CEP57L1: variants seen among roughly 807,000 people sequenced by gnomAD.
The protein encoded by CEP57L1 is centrosomal protein 57 like 1, also known as centrosomal protein CEP57L1.
CEP57L1 carries 37 observed loss-of-function variants against 61.0 expected under a neutral mutation model. That is an observed-to-expected ratio of 0.61 (90% CI 0.47 to 0.80). The LOEUF is 0.80. CEP57L1 is among the 30% of genes least tolerant of loss of function. CEP57L1 has a pLI of 0.00. For missense variants in CEP57L1, 422 were observed against 524.7 expected (o/e 0.80, Z 1.91); for synonymous variants, 137 against 162.3 (o/e 0.84, Z 1.19).
At position 109,160,983 on chromosome 6, in the gene CEP57L1, G is replaced by A. The variant is rs115390278; in HGVS notation, c.1161+267G>A. ...GAAATTGCTTTGGGGAAATTGTGAGGCAGACTAAACTTGCCTTAGCAGCCC... is the reference window on the plus strand; with the variant it reads ...GAAATTGCTTTGGGGAAATTGTGAGACAGACTAAACTTGCCTTAGCAGCCC... On this transcript the variant is annotated intron_variant, in intron 10 of 10. Coordinates refer to ENST00000517392, the MANE Select transcript of CEP57L1 (RefSeq NM_001271852.3). 8.2e-3 allele frequency among the ~76,000 whole-genome samples: 1,246 copies of A among 152,258 alleles called. 21 individuals are homozygous for A. Among genetic ancestry groups the A allele is most frequent in the African/African-American group, 0.028 (1,184 of 41,546 alleles).
rs147278223 is a variant in CEP57L1, at chr6:109,167,595, T to C, written c.*4625T>C. On this transcript the variant is annotated 3_prime_UTR_variant, in exon 11 of 11. Transcript: ENST00000517392. Reference sequence around the variant, plus strand: ...GGGAGGCTGAGGCAGGATAATTGCTTGAACCTGGGAGGCAGAGGTTGCGGT... The same window carrying C: ...GGGAGGCTGAGGCAGGATAATTGCTCGAACCTGGGAGGCAGAGGTTGCGGT... Among the ~76,000 whole-genome samples, 201 of 151,760 alleles carry C rather than the reference T, an allele frequency of 1.3e-3. No homozygotes were observed. The highest frequency in any genetic ancestry group is 4.7e-3 in the African/African-American group (193 of 41,282).
chr6:109,143,474 A>T (rs1056110986), intron 1 of CEP57L1, among the ~76,000 whole-genome samples: 1 of 152,152 alleles, frequency 6.6e-6, no homozygotes, highest in Admixed American at 6.5e-5. Context: ...GTGTCACAAC[A>T]TAACTTGTCC....
chr6:109,122,084 G>A (rs903805212), intron 1 of CEP57L1, among the ~76,000 whole-genome samples: 3 of 152,300 alleles, frequency 2.0e-5, no homozygotes, highest in Non-Finnish European at 4.4e-5. Context: ...ATTGAAGTCA[G>A]ATTACTTCAG....
At chr6:109,099,225 G>C (rs2114534373) in intron 1 of CEP57L1, among the ~76,000 whole-genome samples, 1 of 152,290 alleles carries the variant, frequency 6.6e-6, no homozygotes, top group Admixed American at 6.5e-5. Context: ...TGTTTTGATA[G>C]GAGTTGTTGA....
At position 109,163,018 on chromosome 6, in the gene CEP57L1, G is replaced by A. The variant is rs1281232901; in HGVS notation, c.*48G>A. ...TAATGAACTTTGTCAGTGAGACCTT[G>A]AATTGTCTAAAGTGGTTTTAATTTA... On this transcript the variant is annotated 3_prime_UTR_variant, in exon 11 of 11. Transcript: ENST00000517392. 6 of 1,180,280 alleles carry A rather than the reference G, an allele frequency of 5.1e-6. No homozygotes were observed. In the Admixed American group the frequency reaches 7.2e-5, roughly 14 times the overall value. The allele number at this position is 1,180,280 out of a possible 1,614,324, so 73.1% of individuals were successfully genotyped here.
intron 10 of CEP57L1, among the ~76,000 whole-genome samples, chr6:109,161,967 T>C (rs975190175): frequency 6.6e-6 from 1 of 152,066 alleles, no homozygotes; most frequent in African/African-American, 2.4e-5. Context: ...GCTTAAGTAA[T>C]GGGTTGGACT....
chr6:109,115,323 G>A (rs1352428861), intron 1 of CEP57L1, among the ~76,000 whole-genome samples: 2 of 151,962 alleles, frequency 1.3e-5, no homozygotes, highest in African/African-American at 4.8e-5. Context: ...GTTGTTCTCA[G>A]TTGTAGTCTC....
chr6:109,145,898 T>G (rs984368183), intron 2 of CEP57L1, among the ~76,000 whole-genome samples: 15 of 151,976 alleles, frequency 9.9e-5, no homozygotes, highest in African/African-American at 3.6e-4. Flanking sequence ...CAGGCATATT[T>G]TAAGCTGTGC....
intron 1 of CEP57L1, among the ~76,000 whole-genome samples, chr6:109,120,962 A>G (rs1348617512): frequency 6.7e-6 from 1 of 150,180 alleles, no homozygotes; most frequent in Non-Finnish European, 1.5e-5. Flanking sequence ...ACACACAGTC[A>G]CTCACTCATA....
rs992042592 is a variant in CEP57L1, at chr6:109,170,271, G to C, written c.*7301G>C. ...GAAATCTTAGTCTTTAAGAACAGAG[G>C]ATTGTAAAGTGAGCCAGACCTTCCA... On this transcript the variant is annotated 3_prime_UTR_variant, in exon 11 of 11. Transcript: ENST00000517392. Among the ~76,000 whole-genome samples the C allele has an allele frequency of 6.6e-6, 1 of 152,090 alleles. No individual in the cohort carries two copies. Among genetic ancestry groups the C allele is most frequent in the Non-Finnish European group, 1.5e-5 (1 of 68,004 alleles).
chr6:109,137,634 A>G (rs1437403559), intron 1 of CEP57L1, among the ~76,000 whole-genome samples: 2 of 152,172 alleles, frequency 1.3e-5, no homozygotes, highest in South Asian at 2.1e-4. Flanking sequence ...ATAATTTTAC[A>G]GTATATGATT....
intron 1 of CEP57L1, among the ~76,000 whole-genome samples, chr6:109,132,715 T>G (rs1426263406): frequency 1.3e-5 from 2 of 152,208 alleles, no homozygotes; most frequent in African/African-American, 4.8e-5. Flanking sequence ...TGGTACCAGT[T>G]TATGTGCCAA....
intron 1 of CEP57L1, among the ~76,000 whole-genome samples, chr6:109,109,043 T>C (rs1025285499): frequency 1.9e-4 from 29 of 152,226 alleles, no homozygotes; most frequent in Admixed American, 6.5e-5. Context: ...AATACAAATT[T>C]CTAACAAGGA....
intron 4 of CEP57L1, among the ~76,000 whole-genome samples, chr6:109,153,220 T>A (rs907230857): frequency 1.4e-5 from 2 of 144,882 alleles, no homozygotes; most frequent in African/African-American, 5.0e-5. Flanking sequence ...ATATAACACA[T>A]CTAATCTGCA....
chr6:109,173,177 T>C lies in CEP57L1; in HGVS notation c.*10207T>C, dbSNP rs571215553. Among the ~76,000 whole-genome samples, 6 of 152,338 alleles carry C rather than the reference T, an allele frequency of 3.9e-5. No homozygotes were observed. Among genetic ancestry groups the C allele is most frequent in the African/African-American group, 1.4e-4 (6 of 41,576 alleles). On this transcript the variant is annotated 3_prime_UTR_variant, in exon 11 of 11. Coordinates refer to ENST00000517392, the MANE Select transcript of CEP57L1 (RefSeq NM_001271852.3). ...ATTTAACCATGTATACCATTGTTTG[T>C]GTACTTTTTAATTGTGTCATTTTCT...
At chr6:109,153,674 T>C (rs1164954893) in intron 4 of CEP57L1, among the ~76,000 whole-genome samples, 159 bp from the exon 5 acceptor site, 1 of 152,208 alleles carries the variant, frequency 6.6e-6, no homozygotes, top group Non-Finnish European at 1.5e-5. Context: ...GATTTTCTTG[T>C]TTTTTGCTTG....
In CEP57L1 at chr6:109,171,187, T is replaced by G. The variant is rs1208681283; in HGVS notation, c.*8217T>G. On this transcript the variant is annotated 3_prime_UTR_variant, in exon 11 of 11. Transcript: ENST00000517392. ...GGTGTTTGGGTATGATATATTTGCC[T>G]GTGATTTCTCATTCTCAGAGCATTC... Among the ~76,000 whole-genome samples the G allele has an allele frequency of 6.6e-6, 1 of 152,106 alleles. No homozygotes were observed. The highest frequency in any genetic ancestry group is 2.4e-5 in the African/African-American group (1 of 41,422).
chr6:109,167,838 G>A lies in CEP57L1; in HGVS notation c.*4868G>A, dbSNP rs1290507178. On this transcript the variant is annotated 3_prime_UTR_variant, in exon 11 of 11. Transcript: ENST00000517392. ...TTTGAGAGCCAAGAGTTCTTTATTT[G>A]GATATTGGTATGTTTGACTTGTTCA... 1.3e-5 allele frequency among the ~76,000 whole-genome samples: 2 copies of A among 152,266 alleles called. No individual in the cohort carries two copies. The highest frequency in any genetic ancestry group is 2.1e-4 in the South Asian group (1 of 4,824).
In CEP57L1 at chr6:109,168,283, A is replaced by G. The variant is rs1167750266; in HGVS notation, c.*5313A>G. 6.6e-6 allele frequency among the ~76,000 whole-genome samples: 1 copy of G among 152,230 alleles called. No individual in the cohort carries two copies. The highest frequency in any genetic ancestry group is 1.9e-4 in the East Asian group (1 of 5,196). ...CCATAGCCAGTCTATAATCCAATTC[A>G]AAGGCATGAGTGGAAAAAGTGGGTA... On this transcript the variant is annotated 3_prime_UTR_variant, in exon 11 of 11. Transcript: ENST00000517392.
Sources: allele counts gnomAD v4.1 joint callset (sites outside exome capture counted in the v4.1 genomes callset), GRCh38; gene constraint gnomAD v4.1.1; transcripts MANE v1.5; gene names NCBI Gene and HGNC (gene_info 2026-07-23, HGNC 2026-07-21).